GRHL3: variants seen among roughly 807,000 people sequenced by gnomAD.
The protein encoded by GRHL3 is grainyhead-like protein 3 homolog.
A neutral mutation model predicts 70.3 loss-of-function variants in GRHL3; 20 were observed. The ratio of observed to expected loss-of-function variants is 0.28; its 90% CI spans 0.20 to 0.41. The LOEUF (loss-of-function observed/expected upper bound fraction) is 0.41. GRHL3 is among the 10% of genes least tolerant of loss of function. The pLI, the probability that GRHL3 is intolerant of heterozygous loss-of-function variation, is 1.00. For synonymous variants in GRHL3, 299 were observed against 299.9 expected (o/e 1.00, Z 0.03); for missense variants, 637 against 762.3 (o/e 0.84, Z 1.94).
At chr1:24,350,201 G>A (rs1429868429) in intron 15 of GRHL3, 79 bp downstream of exon 15, 1 of 1,231,348 alleles carries the variant, frequency 8.1e-7, no homozygotes, top group Non-Finnish European at 1.2e-6. Flanking sequence ...TGGAGGGGCT[G>A]AGGGGATGTG....
chr1:24,326,007 C>T (rs1312239563), intron 1 of GRHL3, among the ~76,000 whole-genome samples: 1 of 152,214 alleles, frequency 6.6e-6, no homozygotes, highest in African/African-American at 2.4e-5. Flanking sequence ...TGGCCCTCTC[C>T]ATGGCTCAGT....
intron 1 of GRHL3, among the ~76,000 whole-genome samples, chr1:24,326,601 C>T (rs996702509): frequency 6.6e-6 from 1 of 152,096 alleles, no homozygotes; most frequent in African/African-American, 2.4e-5. Context: ...GGGATGACCT[C>T]GTTATCTTAT....
In GRHL3 at chr1:24,342,092, C is replaced by G; in HGVS notation, c.1048-23C>G. On this transcript the variant is annotated intron_variant, in intron 8 of 15. Coordinates refer to ENST00000361548, the MANE Select transcript of GRHL3 (RefSeq NM_198173.3). The surrounding 1 kb of genome is among the most constrained non-coding windows in gnomAD (Gnocchi z 4.8). Reference sequence around the variant, plus strand: ...CTGGCCACCTGGGCAGGCCACTTACCCAGCGGCCCCCTCTGTCTCCAGGTG... The same window carrying G: ...CTGGCCACCTGGGCAGGCCACTTACGCAGCGGCCCCCTCTGTCTCCAGGTG... 1 of 1,533,398 alleles carries G rather than the reference C, an allele frequency of 6.5e-7. No homozygotes were observed. The highest frequency in any genetic ancestry group is 8.8e-7 in the Non-Finnish European group (1 of 1,135,226). The allele number at this position is 1,533,398 out of a possible 1,614,324, so 95.0% of individuals were successfully genotyped here. A position where few individuals can be genotyped will look rare whatever the true frequency, so the allele number is the denominator to read the frequency against.
intron 14 of GRHL3, among the ~76,000 whole-genome samples, chr1:24,348,269 T>G (rs1353823831): frequency 6.6e-6 from 1 of 152,188 alleles, no homozygotes. Flanking sequence ...CTGCACTGGC[T>G]CATCATGTGC....
Position 24,342,754 on chromosome 1 carries a change from C to T in GRHL3, c.1267C>T (p.Pro423Ser), listed in dbSNP as rs766633283. Residue 423 changes from proline to serine, a missense_variant, in exon 10 of 16, where the codon CCT becomes TCT. Physicochemically the swap from Pro to Ser is moderately conservative, Grantham distance 74 (BLOSUM62 -1). This residue lies in a region of GRHL3 where 387 missense variants were observed against 513.8 expected (regional missense o/e 0.75). Transcript: ENST00000361548. This position sits in a 1 kb window ranked among gnomAD's most constrained non-coding sequence, Gnocchi z 4.8. ...RKQFRRKVKC[P>S]DSSNSGVKGC... Reference sequence around the variant, plus strand: ...GCAGTTCCGGAGGAAGGTCAAGTGCCCTGACTCCAGCAACAGTGGTCAGTG... The same window carrying T: ...GCAGTTCCGGAGGAAGGTCAAGTGCTCTGACTCCAGCAACAGTGGTCAGTG... 7.4e-6 allele frequency: 12 copies of T among 1,614,032 alleles called. No individual in the cohort carries two copies. Among genetic ancestry groups the T allele is most frequent in the African/African-American group, 4.0e-5 (3 of 74,918 alleles).
At chr1:24,336,933 A>T in intron 4 of GRHL3, 106 bp downstream of exon 4, 1 of 1,234,008 alleles carries the variant, frequency 8.1e-7, no homozygotes, top group Non-Finnish European at 1.2e-6. Flanking sequence ...GGGGGAAAGC[A>T]TCCTAGAGCT....
chr1:24,339,404 C>T (rs981722183), intron 7 of GRHL3, among the ~76,000 whole-genome samples: 2 of 152,070 alleles, frequency 1.3e-5, no homozygotes, highest in Non-Finnish European at 2.9e-5. Context: ...CTCAGCCTCC[C>T]GAGTAGCTGA....
rs1639093114 is a variant in GRHL3 at position 24,319,409 on chromosome 1, T to TA, written c.-142dup. 1 of 896,982 alleles carries TA rather than the reference T, an allele frequency of 1.1e-6. No individual in the cohort carries two copies. Among genetic ancestry groups the TA allele is most frequent in the African/African-American group, 1.6e-5 (1 of 61,480 alleles). The allele number at this position is 896,982 out of a possible 1,614,324, so 55.6% of individuals were successfully genotyped here. A position where few individuals can be genotyped will look rare whatever the true frequency, so the allele number is the denominator to read the frequency against. On this transcript the variant is annotated 5_prime_UTR_variant, in exon 1 of 16. Coordinates refer to ENST00000361548, the MANE Select transcript of GRHL3 (RefSeq NM_198173.3). ...ATCAGCGCCAGCGCTGCTGGGAACCTACCTGTCAGCAAAATCTCGACACCC... is the reference window on the plus strand; with the variant it reads ...ATCAGCGCCAGCGCTGCTGGGAACCTAACCTGTCAGCAAAATCTCGACACCC...
chr1:24,354,299 C>T (rs956413713), intron 15 of GRHL3, 75 bp from the exon 16 acceptor site: 14 of 984,296 alleles, frequency 1.4e-5, no homozygotes, highest in African/African-American at 1.4e-4. Context: ...TGACCCATCA[C>T]TCATCCTGGT....
At chr1:24,347,729 G>A (rs1640348523) in intron 14 of GRHL3, among the ~76,000 whole-genome samples, 176 bp downstream of exon 14, 1 of 152,130 alleles carries the variant, frequency 6.6e-6, no homozygotes, top group African/African-American at 2.4e-5. Context: ...GTGCCTCTGC[G>A]ATGTTATCTC....
chr1:24,342,884 C>A lies in GRHL3; in HGVS notation c.1286-8C>A. 1.2e-6 allele frequency: 2 copies of A among 1,614,160 alleles called. No homozygotes were observed. Among genetic ancestry groups the A allele is most frequent in the Non-Finnish European group, 1.7e-6 (2 of 1,180,014 alleles). On this transcript the variant is annotated splice_polypyrimidine_tract_variant and splice_region_variant and intron_variant, in intron 10 of 15. Coordinates refer to ENST00000361548, the MANE Select transcript of GRHL3 (RefSeq NM_198173.3). This position sits in a 1 kb window ranked among gnomAD's most constrained non-coding sequence, Gnocchi z 4.8. ...CCTCGGGGCACATTGGCTTCCTTCTCCCATCAGGCGTCAAGGGCTGCCTGC... is the reference window on the plus strand; with the variant it reads ...CCTCGGGGCACATTGGCTTCCTTCTACCATCAGGCGTCAAGGGCTGCCTGC...
intron 15 of GRHL3, among the ~76,000 whole-genome samples, chr1:24,353,862 A>C (rs2148668783): frequency 6.6e-6 from 1 of 152,104 alleles, no homozygotes; most frequent in South Asian, 2.1e-4. Context: ...AGTCTATCGG[A>C]CAATCCTCCT....
chr1:24,344,748 T>C, intron 11 of GRHL3, 149 bp from the exon 12 acceptor site: 1 of 832,194 alleles, frequency 1.2e-6, no homozygotes, highest in Non-Finnish European at 2.0e-6. Context: ...TTAAGGGCAC[T>C]TGTCTGAGCA....
intron 1 of GRHL3, among the ~76,000 whole-genome samples, chr1:24,331,183 T>A (rs1639591014): frequency 6.6e-6 from 1 of 152,226 alleles, no homozygotes; most frequent in Non-Finnish European, 1.5e-5. Context: ...ATGATGGCCT[T>A]CATGCTGTGG....
chr1:24,346,120 AC>A (rs1240818181), intron 12 of GRHL3, among the ~76,000 whole-genome samples: 8 of 127,086 alleles, frequency 6.3e-5, no homozygotes, highest in Non-Finnish European at 1.2e-4. Context: ...CAGTCCTTCC[AC>A]CCCCCCACCC....
In GRHL3 at chr1:24,342,129, A is replaced by C; in HGVS notation, c.1062A>C (p.Val354=). The change falls in exon 9 of 16, where the codon GTA becomes GTC. Residue 354 remains valine, a synonymous_variant. Transcript: ENST00000361548. This position sits in a 1 kb window ranked among gnomAD's most constrained non-coding sequence, Gnocchi z 4.8. Reference sequence around the variant, plus strand: ...TCTGTCTCCAGGTGTTCATCGGCGTAAACTGTCTGAGCACAGACTTTTCCT... The same window carrying C: ...TCTGTCTCCAGGTGTTCATCGGCGTCAACTGTCTGAGCACAGACTTTTCCT... ...VNEEAKVFIG[V]NCLSTDFSSQ... 6.3e-7 allele frequency: 1 copy of C among 1,592,324 alleles called. No homozygotes were observed. The highest frequency in any genetic ancestry group is 8.6e-7 in the Non-Finnish European group (1 of 1,168,362).
rs564024150 is a variant in GRHL3, at chr1:24,360,892, C to A, written c.1695-3293C>A. 2 of 1,613,492 alleles carry A rather than the reference C, an allele frequency of 1.2e-6. No individual in the cohort carries two copies. Among genetic ancestry groups the A allele is most frequent in the Admixed American group, 1.7e-5 (1 of 59,932 alleles). On this transcript the variant is annotated intron_variant, in intron 15 of 15. Transcript: ENST00000350501. ...TGGCTGAGGCGGCGCCGCTGTCCAC[C>A]GGCTGGTATTGGACACGAATGATGC...
At chr1:24,364,360 A>C in exon 16 of GRHL3, 1 of 1,542,262 alleles carries the variant, frequency 6.5e-7, no homozygotes, top group East Asian at 2.5e-5. Context: ...CTTCACTGTA[A>C]ACTCGGAATG....
Position 24,343,042 on chromosome 1 carries a change from G to A in GRHL3, c.1419+17G>A, listed in dbSNP as rs886232525. 1.2e-6 allele frequency: 2 copies of A among 1,613,850 alleles called. No individual in the cohort carries two copies. Among genetic ancestry groups the A allele is most frequent in the Non-Finnish European group, 8.5e-7 (1 of 1,179,940 alleles). ...TCTGGAGGGGTGAGGCCAGGGCTGG[G>A]GTCTCGGGAAGGAGCCGAGAGAGGG... On this transcript the variant is annotated intron_variant, in intron 11 of 15. Transcript: ENST00000361548.
Sources: allele counts gnomAD v4.1 joint callset (sites outside exome capture counted in the v4.1 genomes callset), GRCh38; gene constraint gnomAD v4.1.1; regional missense constraint gnomAD v4.1.1; non-coding constraint Gnocchi (gnomAD v3.1); transcripts MANE v1.5; gene names NCBI Gene and HGNC (gene_info 2026-07-23, HGNC 2026-07-21).